PCDHGB5: variants seen among roughly 807,000 people sequenced by gnomAD.
PCDHGB5 encodes protocadherin gamma subfamily B, 5, also known as protocadherin gamma-B5.
Under a neutral mutation model 62.9 loss-of-function variants are expected in PCDHGB5, and 48 were observed. The observed-to-expected ratio is 0.76, with a 90% confidence interval of 0.61 to 0.97. PCDHGB5 has a LOEUF of 0.97. Among genes scored for constraint, PCDHGB5 ranks in the 50% least tolerant of loss-of-function variants. PCDHGB5 has a pLI of 0.00. For missense variants in PCDHGB5, 1,118 were observed against 1,198.6 expected (o/e 0.93, Z 0.99); for synonymous variants, 474 against 511.2 (o/e 0.93, Z 0.98).
intron 1 of PCDHGB5, among the ~76,000 whole-genome samples, chr5:141,439,132 G>C (rs1180893484): frequency 6.6e-6 from 1 of 151,054 alleles, no homozygotes; most frequent in African/African-American, 2.4e-5. Context: ...GACAGAGGTT[G>C]CAGTGAGCTG....
In PCDHGB5 at chr5:141,399,883, A is replaced by C; in HGVS notation, c.1756A>C (p.Lys586Gln). 6.2e-7 allele frequency: 1 copy of C among 1,612,718 alleles called. No individual in the cohort carries two copies. The highest frequency in any genetic ancestry group is 1.1e-5 in the South Asian group (1 of 91,046). ...RAAEPGYLVT[K>Q]VVAVDADSGH... ...TGCAGAGCCCGGCTACCTGGTGACC[A>C]AGGTAGTGGCCGTGGACGCAGACTC... The change falls in exon 1 of 4, where the codon AAG becomes CAG. Residue 586 changes from lysine to glutamine, a missense_variant. Around this residue, in one of 2 missense-constraint regions of PCDHGB5, gnomAD observed 1,034 missense variants for 1,029.1 expected, o/e 1.00. Coordinates refer to ENST00000617380, the MANE Select transcript of PCDHGB5 (RefSeq NM_018925.3).
chr5:141,472,673 C>T (rs2099292538), intron 1 of PCDHGB5, among the ~76,000 whole-genome samples: 3 of 151,340 alleles, frequency 2.0e-5, no homozygotes, highest in Admixed American at 2.0e-4. Context: ...GTATACTGGT[C>T]CTTCCATTTC....
At chr5:141,500,116 C>T (rs1458562489) in intron 2 of PCDHGB5, among the ~76,000 whole-genome samples, 4 of 149,046 alleles carry the variant, frequency 2.7e-5, no homozygotes, top group Admixed American at 2.0e-4. Context: ...GAATCCCTGC[C>T]TTTTCATATA....
At chr5:141,459,156 T>C (rs920698328) in intron 1 of PCDHGB5, among the ~76,000 whole-genome samples, 1 of 152,188 alleles carries the variant, frequency 6.6e-6, no homozygotes, top group Non-Finnish European at 1.5e-5. Flanking sequence ...ATATAGAACA[T>C]TTCTATAACC....
chr5:141,453,364 G>A (rs921978865), intron 1 of PCDHGB5, among the ~76,000 whole-genome samples: 4 of 151,814 alleles, frequency 2.6e-5, no homozygotes, highest in African/African-American at 9.7e-5. Flanking sequence ...GAACTCCTGG[G>A]GTCAAGTGAT....
intron 1 of PCDHGB5, among the ~76,000 whole-genome samples, chr5:141,456,808 C>CA (rs1316636483): frequency 6.6e-5 from 10 of 151,878 alleles, no homozygotes; most frequent in Admixed American, 6.6e-4. Flanking sequence ...ACTAAAAATA[C>CA]AAAAAATTAG....
At position 141,491,971 on chromosome 5, in the gene PCDHGB5, T is replaced by C. The variant is rs62379205; in HGVS notation, c.2398-2836T>C. ...CCTACACTCAAAAAAGGCCGGGGCC[T>C]CCTTCGAGCTTCCGGTGAATTTCGG... is the stretch of plus-strand genomic sequence containing the variant. On this transcript the variant is annotated intron_variant, in intron 1 of 3. Coordinates refer to ENST00000617380, the MANE Select transcript of PCDHGB5 (RefSeq NM_018925.3). This position sits in a 1 kb window ranked among gnomAD's most constrained non-coding sequence, Gnocchi z 6.9. The C allele has an allele frequency of 0.2, 165,735 of 830,872 alleles. 17,637 individuals are homozygous for C. Among genetic ancestry groups the C allele is most frequent in the Admixed American group, 0.32 (8,466 of 26,688 alleles). 51.5% of individuals were successfully genotyped at this position (830,872 alleles called of 1,614,324 possible).
In PCDHGB5 at chr5:141,486,403, T is replaced by C; in HGVS notation, c.2398-8404T>C. ...GGAACCAGTTCTCCCTGGTGACTGC[T>C]GGACCCTTGGATCGAGAGGCCAAAT... On this transcript the variant is annotated intron_variant, in intron 1 of 3. Coordinates refer to ENST00000617380, the MANE Select transcript of PCDHGB5 (RefSeq NM_018925.3). This position sits in a 1 kb window ranked among gnomAD's most constrained non-coding sequence, Gnocchi z 5.0. The C allele has an allele frequency of 6.2e-7, 1 of 1,614,212 alleles. No individual in the cohort carries two copies. Among genetic ancestry groups the C allele is most frequent in the Non-Finnish European group, 8.5e-7 (1 of 1,180,034 alleles).
Position 141,431,054 on chromosome 5 carries a change from G to A in PCDHGB5, c.2397+30530G>A, listed in dbSNP as rs532584174. 1 of 1,614,198 alleles carries A rather than the reference G, an allele frequency of 6.2e-7. No individual in the cohort carries two copies. Among genetic ancestry groups the A allele is most frequent in the African/African-American group, 1.3e-5 (1 of 75,076 alleles). ...AGACCGGGAGGAGCTCTGTATGGGG[G>A]CCATCAAGTGTCAATTAAATCTAGA... On this transcript the variant is annotated intron_variant, in intron 1 of 3. Transcript: ENST00000617380. This position sits in a 1 kb window ranked among gnomAD's most constrained non-coding sequence, Gnocchi z 4.8.
chr5:141,436,095 GA>G (rs2097795730), intron 1 of PCDHGB5, among the ~76,000 whole-genome samples: 2 of 152,112 alleles, frequency 1.3e-5, no homozygotes, highest in Non-Finnish European at 2.9e-5. Context: ...AATATTGAGA[GA>G]AATAGAGGAC....
chr5:141,452,015 C>T (rs2098730990), intron 1 of PCDHGB5, among the ~76,000 whole-genome samples: 1 of 152,306 alleles, frequency 6.6e-6, no homozygotes, highest in African/African-American at 2.4e-5. Context: ...GTCCAGCCCA[C>T]ACTCTGGGGA....
chr5:141,428,658 T>C (rs932328483), intron 1 of PCDHGB5: 1 of 165,620 alleles, frequency 6.0e-6, no homozygotes, highest in Non-Finnish European at 1.3e-5. Context: ...TGAGTTCCAA[T>C]GAATGTCTTT....
At chr5:141,504,643 G>A (rs1049421626) in intron 2 of PCDHGB5, among the ~76,000 whole-genome samples, 3 of 124,276 alleles carry the variant, frequency 2.4e-5, no homozygotes, top group African/African-American at 9.0e-5. Flanking sequence ...AAGGTTTGAT[G>A]ATAGAGTGTT....
intron 1 of PCDHGB5, among the ~76,000 whole-genome samples, chr5:141,492,711 C>T (rs927567393): frequency 4.6e-5 from 7 of 152,254 alleles, no homozygotes; most frequent in East Asian, 3.8e-4. Flanking sequence ...AAGCCTCGAG[C>T]AGGCGGACAG....
At position 141,431,392 on chromosome 5, in the gene PCDHGB5, C is replaced by T. The variant is rs572129534; in HGVS notation, c.2397+30868C>T. 3 of 1,613,888 alleles carry T rather than the reference C, an allele frequency of 1.9e-6. No homozygotes were observed. Among genetic ancestry groups the T allele is most frequent in the Non-Finnish European group, 2.5e-6 (3 of 1,180,048 alleles). On this transcript the variant is annotated intron_variant, in intron 1 of 3. Transcript: ENST00000617380. The surrounding 1 kb of genome is among the most constrained non-coding windows in gnomAD (Gnocchi z 4.8). ...AAGAAAAGGCTGCTCACCACCTGGT[C>T]CTTACGGCCTCCGACGGGGGCGACC... is the stretch of plus-strand genomic sequence containing the variant.
chr5:141,476,309 A>G lies in PCDHGB5; in HGVS notation c.2398-18498A>G. ...GGATCTCGGTAGCCTCTCAGCCCGC[A>G]GGTTCCGGGTGGTGTCTGGAGCTAG... On this transcript the variant is annotated intron_variant, in intron 1 of 3. Transcript: ENST00000617380. The surrounding 1 kb of genome is among the most constrained non-coding windows in gnomAD (Gnocchi z 7.6). The G allele has an allele frequency of 6.2e-7, 1 of 1,613,966 alleles. No homozygotes were observed. Among genetic ancestry groups the G allele is most frequent in the Non-Finnish European group, 8.5e-7 (1 of 1,179,988 alleles).
chr5:141,423,434 T>C, intron 1 of PCDHGB5: 1 of 1,614,036 alleles, frequency 6.2e-7, no homozygotes, highest in Non-Finnish European at 8.5e-7. Flanking sequence ...TTGGCAGGTA[T>C]GCCCACGTCA....
intron 1 of PCDHGB5, chr5:141,413,494 G>C: frequency 6.2e-7 from 1 of 1,614,042 alleles, no homozygotes; most frequent in Non-Finnish European, 8.5e-7. Flanking sequence ...CGCGCGGTGC[G>C]TGGTGAGTTT....
chr5:141,508,183 A>G (rs1596134418), intron 3 of PCDHGB5: 1 of 152,336 alleles, frequency 6.6e-6, no homozygotes, highest in African/African-American at 2.4e-5. Context: ...GAGAGAAGGC[A>G]TCACCCCCAC....
Sources: allele counts gnomAD v4.1 joint callset (sites outside exome capture counted in the v4.1 genomes callset), GRCh38; gene constraint gnomAD v4.1.1; regional missense constraint gnomAD v4.1.1; non-coding constraint Gnocchi (gnomAD v3.1); transcripts MANE v1.5; gene names NCBI Gene and HGNC (gene_info 2026-07-23, HGNC 2026-07-21).